THSD4: variants seen among roughly 807,000 people sequenced by gnomAD.
THSD4 encodes the protein thrombospondin type 1 domain containing 4, also known as thrombospondin type-1 domain-containing protein 4.
THSD4 carries 69 observed loss-of-function variants against 119.0 expected under a neutral mutation model. The ratio of observed to expected loss-of-function variants is 0.58; its 90% CI spans 0.48 to 0.71. The LOEUF is 0.71. Ranked by LOEUF, THSD4 falls within the 30% of genes least tolerant of loss-of-function variation. THSD4 has a pLI of 0.00. For synonymous variants in THSD4, 524 were observed against 540.4 expected (o/e 0.97, Z 0.42); for missense variants, 1,393 against 1,391.1 (o/e 1.00, Z -0.02).
intron 7 of THSD4, among the ~76,000 whole-genome samples, chr15:71,608,043 G>A (rs1052075383): frequency 1.3e-5 from 2 of 151,970 alleles, no homozygotes; most frequent in Non-Finnish European, 2.9e-5. Flanking sequence ...CCAACGTGGT[G>A]AAACCCTGTC....
At chr15:71,237,727 C>T (rs553343561) in intron 4 of THSD4, among the ~76,000 whole-genome samples, 10 of 152,164 alleles carry the variant, frequency 6.6e-5, no homozygotes, top group South Asian at 2.1e-4. Flanking sequence ...AACAGAAAGG[C>T]GGGAGTTGTC....
intron 8 of THSD4, among the ~76,000 whole-genome samples, chr15:71,699,726 G>A (rs557122411): frequency 5.9e-5 from 9 of 152,246 alleles, no homozygotes; most frequent in Admixed American, 1.3e-4. Flanking sequence ...TTAATATGAC[G>A]GTCTTTGTTG....
intron 7 of THSD4, among the ~76,000 whole-genome samples, chr15:71,508,720 T>A (rs769852268): frequency 6.6e-6 from 1 of 152,176 alleles, no homozygotes; most frequent in African/African-American, 2.4e-5. Flanking sequence ...CAGAAAACTA[T>A]CATGTATATG....
At chr15:71,495,945 C>G (rs1375333142) in intron 7 of THSD4, among the ~76,000 whole-genome samples, 1 of 152,194 alleles carries the variant, frequency 6.6e-6, no homozygotes, top group Non-Finnish European at 1.5e-5. Flanking sequence ...CAGGGCCTTC[C>G]CCTGCTTACA....
intron 7 of THSD4, among the ~76,000 whole-genome samples, chr15:71,441,338 G>GAGGCAGGTCATGATATGAGCAGCAAATGT (rs1566984093): frequency 6.6e-6 from 1 of 152,112 alleles, no homozygotes. Context: ...TGGGCAACAG[G>GAGGCAGGTCATGATATGAGCAGCAAATGT]GTTCGGGAGA....
At chr15:71,247,451 A>G (rs1246822668) in intron 5 of THSD4, among the ~76,000 whole-genome samples, 2 of 152,228 alleles carry the variant, frequency 1.3e-5, no homozygotes, top group Non-Finnish European at 2.9e-5. Flanking sequence ...AGACTCATAA[A>G]AAGGCATTAA....
intron 6 of THSD4, among the ~76,000 whole-genome samples, chr15:71,365,737 C>CCT (rs950226022): frequency 6.6e-6 from 1 of 151,820 alleles, no homozygotes; most frequent in Non-Finnish European, 1.5e-5. Flanking sequence ...AACTTTCCTC[C>CCT]CTCTCTCTCT....
intron 1 of THSD4, among the ~76,000 whole-genome samples, chr15:71,104,958 G>A (rs1360031259): frequency 3.3e-5 from 5 of 152,120 alleles, no homozygotes; most frequent in African/African-American, 1.2e-4. Flanking sequence ...ATATCTTATT[G>A]TCACAAGGAG....
chr15:71,377,206 G>A (rs1447235677), intron 6 of THSD4, among the ~76,000 whole-genome samples: 1 of 152,246 alleles, frequency 6.6e-6, no homozygotes, highest in African/African-American at 2.4e-5. Flanking sequence ...CTGACACAAA[G>A]AGGGATGCCC....
At chr15:71,190,497 C>G (rs2043662089) in intron 3 of THSD4, among the ~76,000 whole-genome samples, 1 of 152,182 alleles carries the variant, frequency 6.6e-6, no homozygotes, top group South Asian at 2.1e-4. Context: ...AGCTATCGGA[C>G]TGAGGGGGTT....
Position 71,768,281 on chromosome 15 carries a change from A to C in THSD4, c.2770-2783A>C, listed in dbSNP as rs2053750502. Among the ~76,000 whole-genome samples the C allele has an allele frequency of 2.0e-5, 3 of 151,990 alleles. No homozygotes were observed. In the South Asian group the frequency reaches 6.2e-4, roughly 32 times the overall value. On this transcript the variant is annotated intron_variant, in intron 16 of 17. Coordinates refer to ENST00000261862, the MANE Select transcript of THSD4 (RefSeq NM_024817.3). ...AAGTAGTCTCACAAAAAAAACCAAA[A>C]AAAAACCCTGCACCTGTTAAGGCCT... is the stretch of plus-strand genomic sequence containing the variant.
chr15:71,758,386 C>T (rs1364850704), intron 15 of THSD4, among the ~76,000 whole-genome samples: 1 of 152,136 alleles, frequency 6.6e-6, no homozygotes, highest in Non-Finnish European at 1.5e-5. Flanking sequence ...GTGATGGTAC[C>T]TTATGAGGTT....
intron 2 of THSD4, among the ~76,000 whole-genome samples, chr15:71,147,942 C>T (rs926687944): frequency 8.0e-6 from 1 of 125,490 alleles, no homozygotes; most frequent in African/African-American, 3.2e-5. Flanking sequence ...TGCACTCAGC[C>T]TGGGTGATAG....
chr15:71,324,747 G>A (rs940017891), intron 6 of THSD4, among the ~76,000 whole-genome samples: 3 of 152,232 alleles, frequency 2.0e-5, no homozygotes, highest in South Asian at 2.1e-4. Context: ...CTTTACAATC[G>A]TGAATTGTGC....
intron 3 of THSD4, among the ~76,000 whole-genome samples, chr15:71,200,662 T>G (rs754716994): frequency 6.6e-6 from 1 of 152,186 alleles, no homozygotes; most frequent in Non-Finnish European, 1.5e-5. Context: ...ATAGTTTTTT[T>G]CTCTATGGAT....
At chr15:71,678,005 C>A (rs1454755668) in intron 8 of THSD4, among the ~76,000 whole-genome samples, 2 of 152,198 alleles carry the variant, frequency 1.3e-5, no homozygotes, top group African/African-American at 4.8e-5. Context: ...GGCAGCAGCG[C>A]CTAAGGACAG....
intron 8 of THSD4, among the ~76,000 whole-genome samples, chr15:71,721,812 A>T (rs889241261): frequency 2.6e-5 from 4 of 152,036 alleles, no homozygotes; most frequent in African/African-American, 9.7e-5. Flanking sequence ...TTTGCCCAGC[A>T]CCAAGACTGG....
rs76907396 is a variant in THSD4 at position 71,770,280 on chromosome 15, G to A, written c.2770-784G>A. On this transcript the variant is annotated intron_variant, in intron 16 of 17. Coordinates refer to ENST00000261862, the MANE Select transcript of THSD4 (RefSeq NM_024817.3). Reference sequence around the variant, plus strand: ...AAAAAAAAAAAAGGACTTTCTCAAAGAAAATGTATTTAAATGTCTGCACCA... The same window carrying A: ...AAAAAAAAAAAAGGACTTTCTCAAAAAAAATGTATTTAAATGTCTGCACCA... Among the ~76,000 whole-genome samples, 4,963 of 90,642 alleles carry A rather than the reference G, an allele frequency of 0.055. 655 individuals carry two copies. In the East Asian group the frequency reaches 0.55, roughly 10 times the overall value. The allele number at this position is 90,642 out of a possible 152,430, so 59.5% of individuals were successfully genotyped here. A position where few individuals can be genotyped will look rare whatever the true frequency, so the allele number is the denominator to read the frequency against.
chr15:71,209,337 C>T (rs569477622), intron 3 of THSD4, among the ~76,000 whole-genome samples: 1 of 152,210 alleles, frequency 6.6e-6, no homozygotes, highest in African/African-American at 2.4e-5. Context: ...ACATCATCCA[C>T]TAGACCACAC....
Sources: allele counts gnomAD v4.1 joint callset (sites outside exome capture counted in the v4.1 genomes callset), GRCh38; gene constraint gnomAD v4.1.1; transcripts MANE v1.5; gene names NCBI Gene and HGNC (gene_info 2026-07-23, HGNC 2026-07-21).